Variants in CDK19 observed in about 807,000 individuals in gnomAD.
CDK19 encodes the protein cyclin-dependent kinase 19.
CDK19 carries 20 observed loss-of-function variants against 68.3 expected under a neutral mutation model. That is an observed-to-expected ratio of 0.29 (90% CI 0.21 to 0.43). The LOEUF (loss-of-function observed/expected upper bound fraction) is 0.43. Ranked by LOEUF, CDK19 falls within the 20% of genes least tolerant of loss-of-function variation. The probability of loss-of-function intolerance (pLI) is 1.00; values close to 1 mark genes in which losing one functional copy is unlikely to be tolerated. For synonymous variants in CDK19, 221 were observed against 222.8 expected, an observed-to-expected ratio of 0.99 and a Z score of 0.07; for missense variants, 339 against 623.5, an observed-to-expected ratio of 0.54 and a Z score of 4.86.
At chr6:110,801,837 TAAGAAA>T (rs1428574291) in intron 1 of CDK19, among the ~76,000 whole-genome samples, 1 of 152,064 alleles carries the variant, frequency 6.6e-6, no homozygotes, top group Non-Finnish European at 1.5e-5. Context: ...TTTTTTTAAA[TAAGAAA>T]AAGACAACCC....
At chr6:110,654,739 G>A (rs185304842) in intron 4 of CDK19, among the ~76,000 whole-genome samples, 9 of 152,234 alleles carry the variant, frequency 5.9e-5, no homozygotes, top group Non-Finnish European at 1.0e-4. Context: ...TCAGGAGTTC[G>A]AGACCAGCCT....
intron 1 of CDK19, among the ~76,000 whole-genome samples, chr6:110,808,980 G>A (rs549300589): frequency 6.7e-6 from 1 of 149,350 alleles, no homozygotes; most frequent in African/African-American, 2.5e-5. Context: ...GCCGAGGCAA[G>A]TGGATCATGA....
chr6:110,691,085 A>G (rs976081988), intron 2 of CDK19, among the ~76,000 whole-genome samples: 2 of 152,192 alleles, frequency 1.3e-5, no homozygotes, highest in Admixed American at 1.3e-4. Context: ...AAGCCACTCA[A>G]GGAGATTCCA....
At chr6:110,809,304 C>T (rs1782905126) in intron 1 of CDK19, among the ~76,000 whole-genome samples, 1 of 151,990 alleles carries the variant, frequency 6.6e-6, no homozygotes. Flanking sequence ...CACTGGAGCC[C>T]AGGAGTTCGA....
At chr6:110,731,502 T>C (rs767142242) in intron 2 of CDK19, among the ~76,000 whole-genome samples, 10 of 152,150 alleles carry the variant, frequency 6.6e-5, no homozygotes, top group Non-Finnish European at 1.3e-4. Flanking sequence ...ATGATGAAAA[T>C]GTTCTGGAAT....
intron 4 of CDK19, among the ~76,000 whole-genome samples, chr6:110,649,757 C>T (rs1321790856): frequency 6.6e-6 from 1 of 152,092 alleles, no homozygotes; most frequent in African/African-American, 2.4e-5. Flanking sequence ...TCAACCTCAT[C>T]AATAATGAGG....
rs943392343 is a variant in CDK19 at position 110,746,061 on chromosome 6, A to C, written c.204+65T>G. The C allele has an allele frequency of 3.8e-6, 3 of 782,354 alleles. No individual in the cohort carries two copies. In the African/African-American group the frequency reaches 5.5e-5, roughly 14 times the overall value. The allele number at this position is 782,354 out of a possible 1,614,324, so 48.5% of individuals were successfully genotyped here. On this transcript the variant is annotated intron_variant, in intron 2 of 12. Transcript: ENST00000368911. ...CATTATATATATTAATGAAACTTTT[A>C]TATTAAAATAAATCATCACCCAATA...
intron 1 of CDK19, among the ~76,000 whole-genome samples, chr6:110,762,647 GT>G (rs1779304769): frequency 1.3e-5 from 2 of 152,266 alleles, no homozygotes; most frequent in Admixed American, 1.3e-4. Context: ...CTAGCACAGT[GT>G]CCAGCACCTA....
At chr6:110,793,851 A>T (rs1781755761) in intron 1 of CDK19, among the ~76,000 whole-genome samples, 1 of 152,200 alleles carries the variant, frequency 6.6e-6, no homozygotes, top group Admixed American at 6.5e-5. Context: ...CACTGAACAG[A>T]CAGAGGAAAG....
At chr6:110,697,496 GA>G (rs1259216260) in intron 2 of CDK19, among the ~76,000 whole-genome samples, 1 of 152,078 alleles carries the variant, frequency 6.6e-6, no homozygotes, top group African/African-American at 2.4e-5. Context: ...AAACACTGCT[GA>G]AAGAAGTCAT....
chr6:110,618,149 T>C (rs918025157), intron 12 of CDK19, among the ~76,000 whole-genome samples: 11 of 152,114 alleles, frequency 7.2e-5, no homozygotes, highest in Non-Finnish European at 1.5e-4. Context: ...ATTTATTTTT[T>C]TTCAGATGGA....
At chr6:110,719,965 G>C (rs944692180) in intron 2 of CDK19, among the ~76,000 whole-genome samples, 2 of 72,058 alleles carry the variant, frequency 2.8e-5, no homozygotes, top group Non-Finnish European at 5.6e-5. Context: ...TCCTGACCTT[G>C]TGATCCGCCC....
Position 110,633,384 on chromosome 6 carries a change from C to CTGTCAT in CDK19, c.515-1224_515-1223insATGACA, listed in dbSNP as rs374723037. Among the ~76,000 whole-genome samples the CTGTCAT allele has an allele frequency of 9.8e-4, 149 of 152,274 alleles. 1 individual carries two copies. The highest frequency in any genetic ancestry group is 3.3e-3 in the African/African-American group (136 of 41,542). ...CAATTCTGCATTCAATGACAGCATA[C>CTGTCAT]TGATGATTTGGAATTGGCTATGGTA... On this transcript the variant is annotated intron_variant, in intron 5 of 12. Coordinates refer to ENST00000368911, the MANE Select transcript of CDK19 (RefSeq NM_015076.5).
At position 110,699,424 on chromosome 6, in the gene CDK19, C is replaced by CAA. The variant is rs34728164; in HGVS notation, c.205-28885_205-28884dup. 2.6e-3 allele frequency among the ~76,000 whole-genome samples: 244 copies of CAA among 93,618 alleles called. 2 individuals are homozygous for CAA. Among genetic ancestry groups the CAA allele is most frequent in the Admixed American group, 9.7e-3 (83 of 8,554 alleles). The allele number at this position is 93,618 out of a possible 152,430, so 61.4% of individuals were successfully genotyped here. ...CGGGCAAGAGAGTAAGACTTCGTCT[C>CAA]AAAAAAAAAAAAAAAAAGCATGGAT... On this transcript the variant is annotated intron_variant, in intron 2 of 12. Transcript: ENST00000368911.
At chr6:110,713,686 C>T (rs1182362116) in intron 2 of CDK19, among the ~76,000 whole-genome samples, 3 of 151,818 alleles carry the variant, frequency 2.0e-5, no homozygotes, top group South Asian at 2.1e-4. Context: ...AAATAAAATT[C>T]CCTTTAGTTT....
intron 1 of CDK19, among the ~76,000 whole-genome samples, chr6:110,801,451 C>T (rs1034249637): frequency 2.0e-5 from 3 of 152,162 alleles, no homozygotes; most frequent in African/African-American, 7.2e-5. Flanking sequence ...TGCCACTGCA[C>T]TCCAGCCTCA....
chr6:110,748,893 G>A (rs909486621), intron 1 of CDK19, among the ~76,000 whole-genome samples: 5 of 152,340 alleles, frequency 3.3e-5, no homozygotes, highest in Admixed American at 2.6e-4. Flanking sequence ...TATTTTACAT[G>A]ACAAAGCTGA....
chr6:110,631,277 C>G (rs1204018817), intron 6 of CDK19, among the ~76,000 whole-genome samples: 2 of 152,168 alleles, frequency 1.3e-5, no homozygotes, highest in African/African-American at 2.4e-5. Context: ...CTACAATGTA[C>G]TCTCCCCTAC....
At chr6:110,810,829 C>T (rs1783033823) in intron 1 of CDK19, among the ~76,000 whole-genome samples, 1 of 151,750 alleles carries the variant, frequency 6.6e-6, no homozygotes, top group South Asian at 2.1e-4. Flanking sequence ...GTAGAATCTA[C>T]AGTCCTGCAC....
Sources: allele counts gnomAD v4.1 joint callset (sites outside exome capture counted in the v4.1 genomes callset), GRCh38; gene constraint gnomAD v4.1.1; transcripts MANE v1.5; gene names NCBI Gene and HGNC (gene_info 2026-07-23, HGNC 2026-07-21).